The following SLC26A7 variants were observed in gnomAD, a reference collection of about 807,000 sequenced individuals.
SLC26A7 encodes solute carrier family 26 member 7, also known as anion exchange transporter.
Under a neutral mutation model 82.5 loss-of-function variants are expected in SLC26A7, and 59 were observed. The ratio of observed to expected loss-of-function variants is 0.72; its 90% CI spans 0.58 to 0.89. The LOEUF is 0.89. SLC26A7 is among the 40% of genes least tolerant of loss of function. The pLI is 0.00. For synonymous variants in SLC26A7, 271 were observed against 274.3 expected (o/e 0.99, Z 0.12); for missense variants, 820 against 793.0 (o/e 1.03, Z -0.41).
chr8:91,312,464 A>G (rs1812515306), intron 4 of SLC26A7, among the ~76,000 whole-genome samples: 2 of 152,176 alleles, frequency 1.3e-5, no homozygotes. Context: ...TTGCATGTAT[A>G]CCCCAAAATG....
Position 91,398,130 on chromosome 8 carries a change from G to A in SLC26A7, c.*3033G>A, listed in dbSNP as rs530670537. On this transcript the variant is annotated 3_prime_UTR_variant, in exon 19 of 19. Transcript: ENST00000276609. ...CAACCAATTTACATGGAAATAAATC[G>A]AAATATGATAACTATTATGCTTAAA... 2.0e-5 allele frequency: 3 copies of A among 152,288 alleles called. No homozygotes were observed. The highest frequency in any genetic ancestry group is 4.8e-5 in the African/African-American group (2 of 41,350). The allele number at this position is 152,288 out of a possible 1,614,324, so 9.4% of individuals were successfully genotyped here.
rs140831260 is a variant in SLC26A7 at position 91,355,622 on chromosome 8, G to T, written c.1314+2626G>T. On this transcript the variant is annotated intron_variant, in intron 11 of 18. Coordinates refer to ENST00000276609, the MANE Select transcript of SLC26A7 (RefSeq NM_052832.4). ...CTTTTTATCTCCTTCTGTTTTTCTG[G>T]TTTTTGTTGATCATTCCTTCTTTGA... is the stretch of plus-strand genomic sequence containing the variant. Among the ~76,000 whole-genome samples the T allele has an allele frequency of 3.9e-3, 587 of 150,794 alleles. 2 individuals carry two copies. The highest frequency in any genetic ancestry group is 6.1e-3 in the Non-Finnish European group (411 of 67,568).
intron 11 of SLC26A7, among the ~76,000 whole-genome samples, chr8:91,356,665 C>T (rs1813878096): frequency 6.6e-6 from 1 of 152,194 alleles, no homozygotes; most frequent in Admixed American, 6.5e-5. Flanking sequence ...AAAATTTTCT[C>T]CCATTTTGTA....
intron 2 of SLC26A7, among the ~76,000 whole-genome samples, chr8:91,267,271 T>C (rs181881337): frequency 2.6e-3 from 401 of 152,042 alleles, no homozygotes; most frequent in African/African-American, 9.3e-3. Flanking sequence ...GCTAGCCTCA[T>C]AGAATGAGTT....
intron 9 of SLC26A7, among the ~76,000 whole-genome samples, chr8:91,350,036 T>C (rs1404719505): frequency 2.0e-5 from 3 of 152,184 alleles, no homozygotes; most frequent in Middle Eastern, 6.8e-3. Flanking sequence ...GTACTATAAC[T>C]TTTTTTATGG....
intron 2 of SLC26A7, among the ~76,000 whole-genome samples, chr8:91,234,805 C>CTACG (rs2130677914): frequency 7.4e-6 from 1 of 135,190 alleles, no homozygotes; most frequent in Non-Finnish European, 1.6e-5. Context: ...ACCTACCTAC[C>CTACG]TACCTACCTA....
intron 11 of SLC26A7, among the ~76,000 whole-genome samples, chr8:91,358,919 AG>A (rs1813964754): frequency 6.6e-6 from 1 of 151,394 alleles, no homozygotes; most frequent in African/African-American, 2.4e-5. Context: ...CATCAACACC[AG>A]GGCCGGTTGT....
At chr8:91,223,808 CT>C (rs1415098666) in intron 2 of SLC26A7, among the ~76,000 whole-genome samples, 2 of 152,140 alleles carry the variant, frequency 1.3e-5, no homozygotes, top group Admixed American at 6.5e-5. Context: ...CCTTCTGGTA[CT>C]CCAATCAATC....
chr8:91,246,959 C>G (rs1202972083), upstream of SLC26A7, among the ~76,000 whole-genome samples: 2 of 152,182 alleles, frequency 1.3e-5, no homozygotes, highest in African/African-American at 4.8e-5. Context: ...GTAGTATCTA[C>G]TCCTTTTCCT....
At chr8:91,244,146 G>A (rs1810511361) in intron 2 of SLC26A7, among the ~76,000 whole-genome samples, 1 of 152,118 alleles carries the variant, frequency 6.6e-6, no homozygotes, top group Non-Finnish European at 1.5e-5. Flanking sequence ...TGTGTATTGG[G>A]TAAATCTCTT....
intron 6 of SLC26A7, among the ~76,000 whole-genome samples, chr8:91,337,580 TA>T (rs1813278406): frequency 6.6e-6 from 1 of 152,090 alleles, no homozygotes; most frequent in African/African-American, 2.4e-5. Context: ...TGAAACTCCA[TA>T]GGGGTCATTT....
At chr8:91,324,775 A>G (rs1003154337) in intron 5 of SLC26A7, among the ~76,000 whole-genome samples, 2 of 152,142 alleles carry the variant, frequency 1.3e-5, no homozygotes, top group African/African-American at 2.4e-5. Flanking sequence ...TAACGTGGTC[A>G]AGTGACAGGG....
At chr8:91,353,337 G>A (rs557323864) in intron 11 of SLC26A7, among the ~76,000 whole-genome samples, 1 of 152,198 alleles carries the variant, frequency 6.6e-6, no homozygotes, top group South Asian at 2.1e-4. Flanking sequence ...TAGAAATATG[G>A]CAATTTATAA....
At chr8:91,369,382 T>A (rs62668562) in intron 14 of SLC26A7, among the ~76,000 whole-genome samples, 3 of 142,804 alleles carry the variant, frequency 2.1e-5, no homozygotes, top group Admixed American at 7.0e-5. Context: ...TTTTTTTTTT[T>A]AATCCAGCAT....
At chr8:91,303,187 A>AAT (rs1279587057) in intron 4 of SLC26A7, among the ~76,000 whole-genome samples, 1 of 152,212 alleles carries the variant, frequency 6.6e-6, no homozygotes, top group African/African-American at 2.4e-5. Flanking sequence ...CTAGTTTTAA[A>AAT]ATGCCAGTAT....
At chr8:91,355,155 A>AT (rs1317233168) in intron 11 of SLC26A7, among the ~76,000 whole-genome samples, 1 of 152,030 alleles carries the variant, frequency 6.6e-6, no homozygotes, top group Non-Finnish European at 1.5e-5. Context: ...GGTCAACGTA[A>AT]TTTTTTTGTT....
chr8:91,315,360 C>T (rs996992206), intron 4 of SLC26A7, among the ~76,000 whole-genome samples: 3 of 151,396 alleles, frequency 2.0e-5, no homozygotes, highest in African/African-American at 7.3e-5. Flanking sequence ...AACTAACTTA[C>T]TAATAGAGAA....
At chr8:91,372,965 G>T (rs1586466034) in intron 15 of SLC26A7, among the ~76,000 whole-genome samples, 1 of 151,760 alleles carries the variant, frequency 6.6e-6, no homozygotes, top group African/African-American at 2.4e-5. Context: ...GTGTTCCTAG[G>T]TATTTTATTT....
At chr8:91,385,299 G>A (rs1041827184) in intron 15 of SLC26A7, among the ~76,000 whole-genome samples, 18 of 152,128 alleles carry the variant, frequency 1.2e-4, no homozygotes, top group African/African-American at 3.9e-4. Flanking sequence ...GATTTTTATT[G>A]CTCTGGTTGA....
Sources: gnomAD v4.1 joint callset for allele counts (sites outside exome capture counted in the v4.1 genomes callset) on GRCh38, gnomAD v4.1.1 for gene constraint, MANE v1.5 for transcripts, NCBI Gene and HGNC (gene_info 2026-07-23, HGNC 2026-07-21) for gene names.